The following AGAP1 variants were observed in gnomAD, a reference collection of about 807,000 sequenced individuals.
The protein encoded by AGAP1 is ArfGAP with GTPase domain, ankyrin repeat and PH domain 1, also known as arf-GAP with GTPase, ANK repeat and PH domain-containing protein 1.
Under a neutral mutation model 105.3 loss-of-function variants are expected in AGAP1, and 29 were observed. The ratio of observed to expected loss-of-function variants is 0.28; its 90% CI spans 0.21 to 0.38. AGAP1 has a LOEUF of 0.38. Ranked by LOEUF, AGAP1 falls within the 10% of genes least tolerant of loss-of-function variation. The probability of loss-of-function intolerance (pLI) is 1.00; values close to 1 mark genes in which losing one functional copy is unlikely to be tolerated. For missense variants in AGAP1, 998 were observed against 1,165.1 expected (o/e 0.86, Z 2.09); for synonymous variants, 509 against 485.9 (o/e 1.05, Z -0.63).
chr2:235,588,997 A>G (rs756697861), intron 1 of AGAP1, among the ~76,000 whole-genome samples: 1 of 151,922 alleles, frequency 6.6e-6, no homozygotes, highest in African/African-American at 2.4e-5. Flanking sequence ...TTGTTTTCCT[A>G]TCGAAATACA....
rs185165513 is a variant in AGAP1, at chr2:235,842,369, C to T, written c.1050+35038C>T. ...GCAGAACCTGTGACTTTGCCACCCT[C>T]AAAATCACAGACATGTTCACAGCGC... On this transcript the variant is annotated intron_variant, in intron 9 of 17. Coordinates refer to ENST00000304032, the MANE Select transcript of AGAP1 (RefSeq NM_001037131.3). The surrounding 1 kb of genome is among the most constrained non-coding windows in gnomAD (Gnocchi z 5.3). Among the ~76,000 whole-genome samples the T allele has an allele frequency of 2.4e-4, 36 of 152,324 alleles. No individual in the cohort carries two copies. Among genetic ancestry groups the T allele is most frequent in the African/African-American group, 7.7e-4 (32 of 41,564 alleles).
intron 12 of AGAP1, among the ~76,000 whole-genome samples, chr2:235,949,277 G>C (rs1399406065): frequency 6.6e-6 from 1 of 152,174 alleles, no homozygotes; most frequent in Admixed American, 6.5e-5. Context: ...AAAATTTTCA[G>C]ATTTCAGAAC....
In AGAP1 at chr2:236,092,039, G is replaced by A. The variant is rs1463395044; in HGVS notation, c.2115-28153G>A. 6.6e-6 allele frequency among the ~76,000 whole-genome samples: 1 copy of A among 152,202 alleles called. No homozygotes were observed. Among genetic ancestry groups the A allele is most frequent in the Non-Finnish European group, 1.5e-5 (1 of 68,042 alleles). ...TGTCCCAAAAGATTACGTGCTGTAG[G>A]ATTCCATTTATGTATCACTGTTGAT... On this transcript the variant is annotated intron_variant, in intron 16 of 17. Coordinates refer to ENST00000304032, the MANE Select transcript of AGAP1 (RefSeq NM_001037131.3). The surrounding 1 kb of genome is among the most constrained non-coding windows in gnomAD (Gnocchi z 4.7).
rs1949288747 is a variant in AGAP1, at chr2:235,684,748, GT to G, written c.164-24426del. On this transcript the variant is annotated intron_variant, in intron 1 of 17. Coordinates refer to ENST00000304032, the MANE Select transcript of AGAP1 (RefSeq NM_001037131.3). ...CTGTTTACCATCCATGGCTGCTTGA[GT>G]TTTTAGAGCTGCGTCAGATGAATAA... Among the ~76,000 whole-genome samples, 7 of 152,272 alleles carry G rather than the reference GT, an allele frequency of 4.6e-5. No homozygotes were observed. In the South Asian group the frequency reaches 1.5e-3, roughly 32 times the overall value.
rs946382610 is a variant in AGAP1 at position 235,906,449 on chromosome 2, C to G, written c.1156-2289C>G. Among the ~76,000 whole-genome samples the G allele has an allele frequency of 2.0e-5, 3 of 152,168 alleles. No individual in the cohort carries two copies. Among genetic ancestry groups the G allele is most frequent in the African/African-American group, 7.2e-5 (3 of 41,454 alleles). ...GGGGTCACCAGGGACCCTGAAACAT[C>G]TTGTCCCTCTGGGGCTGATGTAGGG... On this transcript the variant is annotated intron_variant, in intron 10 of 17. Coordinates refer to ENST00000304032, the MANE Select transcript of AGAP1 (RefSeq NM_001037131.3). This position sits in a 1 kb window ranked among gnomAD's most constrained non-coding sequence, Gnocchi z 5.3.
intron 6 of AGAP1, among the ~76,000 whole-genome samples, chr2:235,764,435 A>G (rs145382832): frequency 6.6e-6 from 1 of 152,286 alleles, no homozygotes; most frequent in East Asian, 1.9e-4. Context: ...TTGGTCACGT[A>G]GATCCATGTT....
chr2:235,808,119 C>T (rs919439353), intron 9 of AGAP1, among the ~76,000 whole-genome samples: 2 of 151,790 alleles, frequency 1.3e-5, no homozygotes, highest in African/African-American at 4.8e-5. Flanking sequence ...AAATAGAGTT[C>T]AACCCCACAC....
rs970765266 is a variant in AGAP1, at chr2:235,566,771, G to A, written c.163+71922G>A. 2.6e-5 allele frequency among the ~76,000 whole-genome samples: 4 copies of A among 152,192 alleles called. No homozygotes were observed. Among genetic ancestry groups the A allele is most frequent in the Admixed American group, 6.5e-5 (1 of 15,280 alleles). Reference sequence around the variant, plus strand: ...GATTTCCCTGCCTGAAGGGGGCCCCGTGTTAGTTTCCTGTGGCTGCCGTAA... The same window carrying A: ...GATTTCCCTGCCTGAAGGGGGCCCCATGTTAGTTTCCTGTGGCTGCCGTAA... On this transcript the variant is annotated intron_variant, in intron 1 of 17. Transcript: ENST00000304032. This position sits in a 1 kb window ranked among gnomAD's most constrained non-coding sequence, Gnocchi z 5.2.
intron 1 of AGAP1, among the ~76,000 whole-genome samples, chr2:235,668,264 T>TA (rs1948195496): frequency 6.6e-6 from 1 of 152,232 alleles, no homozygotes; most frequent in Non-Finnish European, 1.5e-5. Context: ...AATGCTGTCA[T>TA]AAAATCTAGA....
At chr2:235,675,250 C>T (rs1488272040) in intron 1 of AGAP1, among the ~76,000 whole-genome samples, 11 of 145,518 alleles carry the variant, frequency 7.6e-5, no homozygotes, top group Non-Finnish European at 1.2e-4. Flanking sequence ...AGTGCAGTGG[C>T]GCGATCTCAG....
rs546629771 is a variant in AGAP1, at chr2:235,621,342, G to A, written c.164-87837G>A. Among the ~76,000 whole-genome samples, 33 of 152,102 alleles carry A rather than the reference G, an allele frequency of 2.2e-4. No homozygotes were observed. The highest frequency in any genetic ancestry group is 3.1e-4 in the Non-Finnish European group (21 of 68,026). ...CAGCCGATCTATTTAATTTCATTGTGCCTTGGTTTCTTCATATGTTTCAAT... is the reference window on the plus strand; with the variant it reads ...CAGCCGATCTATTTAATTTCATTGTACCTTGGTTTCTTCATATGTTTCAAT... On this transcript the variant is annotated intron_variant, in intron 1 of 17. Coordinates refer to ENST00000304032, the MANE Select transcript of AGAP1 (RefSeq NM_001037131.3). This position sits in a 1 kb window ranked among gnomAD's most constrained non-coding sequence, Gnocchi z 4.1.
chr2:235,886,832 T>C (rs1367014376), intron 10 of AGAP1, among the ~76,000 whole-genome samples: 1 of 152,114 alleles, frequency 6.6e-6, no homozygotes, highest in Non-Finnish European at 1.5e-5. Flanking sequence ...AGCCAAGCAT[T>C]GGATAAAAGT....
chr2:236,099,347 C>T (rs756856923), intron 16 of AGAP1, among the ~76,000 whole-genome samples: 5 of 151,436 alleles, frequency 3.3e-5, no homozygotes, highest in African/African-American at 7.3e-5. Flanking sequence ...CCCAGCTGCT[C>T]GGGAGGCTGA....
chr2:236,002,091 CAG>C lies in AGAP1; in HGVS notation c.1645+33473_1645+33474del, dbSNP rs1048780880. On this transcript the variant is annotated intron_variant, in intron 13 of 17. Transcript: ENST00000304032. The surrounding 1 kb of genome is among the most constrained non-coding windows in gnomAD (Gnocchi z 4.3). The stretch of plus-strand genomic sequence containing the variant: ...GTGTTGACAGGGCCATGGGTGAGAA[CAG>C]AGAGTTTCTCAAGCGACATGCCAGG... Among the ~76,000 whole-genome samples the C allele has an allele frequency of 6.6e-6, 1 of 152,172 alleles. No individual in the cohort carries two copies. Among genetic ancestry groups the C allele is most frequent in the African/African-American group, 2.4e-5 (1 of 41,442 alleles).
At chr2:235,885,636 T>A (rs561831503) in intron 10 of AGAP1, among the ~76,000 whole-genome samples, 1 of 152,230 alleles carries the variant, frequency 6.6e-6, no homozygotes, top group Non-Finnish European at 1.5e-5. Context: ...AGAAGAGCTT[T>A]TCCTAATATG....
chr2:236,101,455 G>A lies in AGAP1; in HGVS notation c.2115-18737G>A, dbSNP rs2059343104. 6.6e-6 allele frequency among the ~76,000 whole-genome samples: 1 copy of A among 152,118 alleles called. No homozygotes were observed. The highest frequency in any genetic ancestry group is 6.5e-5 in the Admixed American group (1 of 15,270). On this transcript the variant is annotated intron_variant, in intron 16 of 17. Coordinates refer to ENST00000304032, the MANE Select transcript of AGAP1 (RefSeq NM_001037131.3). The surrounding 1 kb of genome is among the most constrained non-coding windows in gnomAD (Gnocchi z 4.9). ...CTTTCTCAGGTTTGACAGCCACTTA[G>A]CCAGCAAATCCCTGAGAAGCCACCG...
Position 235,947,957 on chromosome 2 carries a change from C to T in AGAP1, c.1483+17034C>T, listed in dbSNP as rs141018192. On this transcript the variant is annotated intron_variant, in intron 12 of 17. Transcript: ENST00000304032. ...CAAGAGTGTGCAGGTGATGAGGATC[C>T]AGCGTGCAATGTACGGATCAAAGCC... Among the ~76,000 whole-genome samples the T allele has an allele frequency of 7.9e-4, 120 of 152,276 alleles. 3 individuals carry two copies. Among genetic ancestry groups the T allele is most frequent in the Admixed American group, 7.5e-3 (114 of 15,298 alleles).
intron 1 of AGAP1, among the ~76,000 whole-genome samples, chr2:235,503,214 A>T (rs1941641098): frequency 6.6e-6 from 1 of 152,160 alleles, no homozygotes; most frequent in African/African-American, 2.4e-5. Context: ...GAAAGAGCTG[A>T]TTGCCCTGAA....
intron 1 of AGAP1, among the ~76,000 whole-genome samples, chr2:235,605,829 C>T (rs867284884): frequency 2.6e-5 from 4 of 152,186 alleles, no homozygotes; most frequent in African/African-American, 4.8e-5. Flanking sequence ...ATAGAGGACG[C>T]GGTGTACGCC....
Sources: allele counts gnomAD v4.1 joint callset (sites outside exome capture counted in the v4.1 genomes callset), GRCh38; gene constraint gnomAD v4.1.1; non-coding constraint Gnocchi (gnomAD v3.1); transcripts MANE v1.5; gene names NCBI Gene and HGNC (gene_info 2026-07-23, HGNC 2026-07-21).